Variants in NELL1 observed in about 807,000 individuals in gnomAD.
The protein encoded by NELL1 is protein kinase C-binding protein NELL1.
Under a neutral mutation model 107.4 loss-of-function variants are expected in NELL1, and 76 were observed. The ratio of observed to expected loss-of-function variants is 0.71; its 90% CI spans 0.59 to 0.86. The LOEUF (loss-of-function observed/expected upper bound fraction) is 0.86, where lower values mean the gene tolerates loss of function less well. NELL1 is among the 40% of genes least tolerant of loss of function. The pLI, the probability that NELL1 is intolerant of heterozygous loss-of-function variation, is 0.00. For synonymous variants in NELL1, 353 were observed against 341.2 expected (o/e 1.03, Z -0.38); for missense variants, 1,024 against 1,005.5 (o/e 1.02, Z -0.25).
At chr11:21,318,575 C>T (rs1590832187) in intron 14 of NELL1, among the ~76,000 whole-genome samples, 1 of 152,052 alleles carries the variant, frequency 6.6e-6, no homozygotes, top group African/African-American at 2.4e-5. Flanking sequence ...CCTCATAATA[C>T]CTCTATTTTT....
chr11:21,231,820 C>T (rs1225791046), intron 14 of NELL1, among the ~76,000 whole-genome samples: 1 of 152,098 alleles, frequency 6.6e-6, no homozygotes, highest in Non-Finnish European at 1.5e-5. Flanking sequence ...AAGTGATTGT[C>T]ATAATCAATT....
At chr11:21,551,386 G>A (rs1015096941) in intron 16 of NELL1, among the ~76,000 whole-genome samples, 1 of 152,036 alleles carries the variant, frequency 6.6e-6, no homozygotes, top group Non-Finnish European at 1.5e-5. Context: ...ATGTTGAATA[G>A]GAATGGTGAG....
chr11:21,055,536 A>G (rs1359270842), intron 12 of NELL1, among the ~76,000 whole-genome samples: 1 of 152,118 alleles, frequency 6.6e-6, no homozygotes, highest in Non-Finnish European at 1.5e-5. Flanking sequence ...TAAATCTGTT[A>G]CTGTGTCTTT....
chr11:21,047,277 C>T (rs751374229), intron 12 of NELL1, among the ~76,000 whole-genome samples: 1 of 152,118 alleles, frequency 6.6e-6, no homozygotes, highest in Admixed American at 6.6e-5. Flanking sequence ...TCAGCCAGAA[C>T]TTTCTGATGG....
intron 15 of NELL1, among the ~76,000 whole-genome samples, chr11:21,531,053 A>C (rs1219061343): frequency 6.6e-6 from 1 of 152,176 alleles, no homozygotes; most frequent in South Asian, 2.1e-4. Context: ...AATCACTGTG[A>C]TAGGACAAGA....
chr11:20,997,676 G>A (rs6483745), intron 12 of NELL1, among the ~76,000 whole-genome samples: 53,537 of 152,050 alleles, frequency 0.35, 12,679 homozygotes, highest in African/African-American at 0.68. Context: ...TTATTCCCAC[G>A]TAGAAAGTTT....
At chr11:20,893,885 A>G (rs989654423) in intron 5 of NELL1, among the ~76,000 whole-genome samples, 1 of 150,210 alleles carries the variant, frequency 6.7e-6, no homozygotes, top group Non-Finnish European at 1.5e-5. Flanking sequence ...AAATAGGCCA[A>G]ACTAAACATG....
chr11:21,243,164 T>A (rs2133900743), intron 14 of NELL1, among the ~76,000 whole-genome samples: 1 of 152,242 alleles, frequency 6.6e-6, no homozygotes, highest in African/African-American at 2.4e-5. Context: ...TGGCAAAAAA[T>A]CAAGTATTCA....
chr11:21,480,874 A>G (rs1376736854), intron 15 of NELL1, among the ~76,000 whole-genome samples: 1 of 152,172 alleles, frequency 6.6e-6, no homozygotes, highest in South Asian at 2.1e-4. Context: ...ATGGTTGGGG[A>G]AATACCCCTG....
At chr11:21,423,384 T>C (rs1852740990) in intron 15 of NELL1, among the ~76,000 whole-genome samples, 1 of 151,186 alleles carries the variant, frequency 6.6e-6, no homozygotes, top group Non-Finnish European at 1.5e-5. Context: ...TTATAAAAGG[T>C]AAAGAAAGAT....
chr11:20,791,876 GT>G (rs1477830058), intron 3 of NELL1, among the ~76,000 whole-genome samples: 1 of 151,906 alleles, frequency 6.6e-6, no homozygotes, highest in Non-Finnish European at 1.5e-5. Flanking sequence ...TGATAACATA[GT>G]TTTAATCTTT....
At chr11:21,145,239 A>G (rs1021015190) in intron 13 of NELL1, among the ~76,000 whole-genome samples, 1 of 152,182 alleles carries the variant, frequency 6.6e-6, no homozygotes, top group Admixed American at 6.5e-5. Flanking sequence ...TATTATTCCC[A>G]TTTTACAAAT....
At chr11:21,079,139 G>GA (rs1302930970) in intron 12 of NELL1, among the ~76,000 whole-genome samples, 4 of 151,710 alleles carry the variant, frequency 2.6e-5, no homozygotes, top group Non-Finnish European at 5.9e-5. Flanking sequence ...GAATTCAAGG[G>GA]AAAAAACCTT....
At chr11:21,375,930 A>G (rs1009851077) in intron 15 of NELL1, among the ~76,000 whole-genome samples, 17 of 151,686 alleles carry the variant, frequency 1.1e-4, no homozygotes, top group Admixed American at 2.6e-4. Context: ...TATGTTCCTT[A>G]TATATTCTGA....
chr11:21,548,894 T>A (rs1856508235), intron 16 of NELL1, among the ~76,000 whole-genome samples: 1 of 150,546 alleles, frequency 6.6e-6, no homozygotes, highest in Non-Finnish European at 1.5e-5. Context: ...GGTCCTAGCA[T>A]TGCTGAAAGC....
chr11:21,047,663 T>A (rs1590581335), intron 12 of NELL1, among the ~76,000 whole-genome samples: 1 of 152,168 alleles, frequency 6.6e-6, no homozygotes, highest in East Asian at 1.9e-4. Flanking sequence ...GATTCTTTCG[T>A]GTTATTGTAT....
At chr11:20,756,869 G>C (rs919563758) in intron 2 of NELL1, among the ~76,000 whole-genome samples, 3 of 152,080 alleles carry the variant, frequency 2.0e-5, no homozygotes, top group African/African-American at 7.2e-5. Flanking sequence ...TCAGTTCTGG[G>C]CAATGCATTT....
At chr11:20,816,986 A>C (rs1857637122) in intron 3 of NELL1, among the ~76,000 whole-genome samples, 1 of 152,188 alleles carries the variant, frequency 6.6e-6, no homozygotes. Context: ...TCAGGATTAA[A>C]GCTCACTTGA....
Position 20,762,872 on chromosome 11 carries a change from C to T in NELL1, c.185-20808C>T, listed in dbSNP as rs11603871. 6.8e-3 allele frequency among the ~76,000 whole-genome samples: 1,031 copies of T among 152,194 alleles called. 8 individuals carry two copies. Among genetic ancestry groups the T allele is most frequent in the Middle Eastern group, 0.017 (5 of 294 alleles). ...CTTGAGGGAATAGTGGCAGGAAAAACTTAAAAGTATACCTGCACCTACAGA... is the reference window on the plus strand; with the variant it reads ...CTTGAGGGAATAGTGGCAGGAAAAATTTAAAAGTATACCTGCACCTACAGA... On this transcript the variant is annotated intron_variant, in intron 2 of 19. Transcript: ENST00000357134.
Sources: gnomAD v4.1 joint callset for allele counts (sites outside exome capture counted in the v4.1 genomes callset) on GRCh38, gnomAD v4.1.1 for gene constraint, MANE v1.5 for transcripts, NCBI Gene and HGNC (gene_info 2026-07-23, HGNC 2026-07-21) for gene names.